The following SNX29 variants were observed in gnomAD, a reference collection of about 807,000 sequenced individuals.
SNX29 encodes the protein sorting nexin 29, also known as sorting nexin-29.
In SNX29, 78 loss-of-function variants were observed where a neutral mutation model predicts 102.1. The observed-to-expected ratio is 0.76, with a 90% CI of 0.64 to 0.92. SNX29 has a LOEUF of 0.92. Ranked by LOEUF, SNX29 falls within the 40% of genes least tolerant of loss-of-function variation. The probability of loss-of-function intolerance (pLI) is 0.00; values close to 1 mark genes in which losing one functional copy is unlikely to be tolerated. For synonymous variants in SNX29, 580 were observed against 414.5 expected, an observed-to-expected ratio of 1.40 and a Z score of -4.85; for missense variants, 1,280 against 1,061.7, an observed-to-expected ratio of 1.21 and a Z score of -2.86.
At chr16:12,361,978 T>C (rs62039993) in intron 16 of SNX29, among the ~76,000 whole-genome samples, 1 of 151,674 alleles carries the variant, frequency 6.6e-6, no homozygotes, top group African/African-American at 2.4e-5. Context: ...AACGAGCACA[T>C]GCCTATACAT....
chr16:12,387,906 C>A (rs1020755405), intron 16 of SNX29, among the ~76,000 whole-genome samples: 1 of 152,150 alleles, frequency 6.6e-6, no homozygotes, highest in African/African-American at 2.4e-5. Flanking sequence ...TAAGGAAGAA[C>A]CCTGGAAGAA....
At chr16:12,030,964 A>C (rs1237671465) in intron 4 of SNX29, among the ~76,000 whole-genome samples, 1 of 152,200 alleles carries the variant, frequency 6.6e-6, no homozygotes, top group Non-Finnish European at 1.5e-5. Flanking sequence ...AGACCTCTCC[A>C]TAATTCAGCA....
chr16:12,547,656 C>G (rs183257384), intron 20 of SNX29, among the ~76,000 whole-genome samples: 3 of 152,238 alleles, frequency 2.0e-5, no homozygotes, highest in African/African-American at 7.2e-5. Flanking sequence ...ATTCCCACCC[C>G]AAGCACCATC....
At position 12,089,235 on chromosome 16, in the gene SNX29, G is replaced by A. The variant is rs143236937; in HGVS notation, c.1402+10320G>A. Among the ~76,000 whole-genome samples the A allele has an allele frequency of 8.8e-3, 1,340 of 152,206 alleles. 21 individuals are homozygous for A. The highest frequency in any genetic ancestry group is 0.03 in the African/African-American group (1,252 of 41,522). On this transcript the variant is annotated intron_variant, in intron 11 of 20. Coordinates refer to ENST00000566228, the MANE Select transcript of SNX29 (RefSeq NM_032167.5). ...AGTTCCAGCTACTTGGGAGGCTGAG[G>A]TGGGAAGATTGTTCGAGCCTAGGAG...
intron 11 of SNX29, among the ~76,000 whole-genome samples, chr16:12,104,071 G>A (rs1255591573): frequency 6.6e-6 from 1 of 152,208 alleles, no homozygotes; most frequent in Non-Finnish European, 1.5e-5. Context: ...TGAGGCAGCA[G>A]AAAAAGTCAG....
intron 1 of SNX29, among the ~76,000 whole-genome samples, chr16:11,991,733 C>T (rs117594840): frequency 0.056 from 7,240 of 129,540 alleles, 227 homozygotes; most frequent in Non-Finnish European, 0.078. Context: ...TTTTTTTTTC[C>T]AGTAGAGATG....
intron 14 of SNX29, among the ~76,000 whole-genome samples, chr16:12,234,793 C>G (rs144868338): frequency 1.3e-5 from 2 of 152,314 alleles, no homozygotes; most frequent in East Asian, 1.9e-4. Context: ...CCTGAAATTA[C>G]TTAGGGCTAT....
intron 3 of SNX29, among the ~76,000 whole-genome samples, chr16:12,005,707 A>T (rs2056429365): frequency 6.6e-6 from 1 of 152,190 alleles, no homozygotes; most frequent in South Asian, 2.1e-4. Flanking sequence ...CTCATCCAAA[A>T]ACCCGAAATT....
rs113014221 is a variant in SNX29, at chr16:12,361,810, G to A, written c.1899+5531G>A. Among the ~76,000 whole-genome samples the A allele has an allele frequency of 4.8e-3, 728 of 152,142 alleles. 5 individuals are homozygous for A. The highest frequency in any genetic ancestry group is 0.017 in the African/African-American group (706 of 41,522). ...ACAAACCTTAGCATCCCCATGCTAA[G>A]AAGTTAAGTAGTAAAAAAGGGTGAA... On this transcript the variant is annotated intron_variant, in intron 16 of 20. Transcript: ENST00000566228.
At chr16:12,504,242 T>G (rs2089267448) in intron 19 of SNX29, among the ~76,000 whole-genome samples, 1 of 152,240 alleles carries the variant, frequency 6.6e-6, no homozygotes, top group Non-Finnish European at 1.5e-5. Flanking sequence ...ATTCCTTTTT[T>G]AAAAGATATA....
At chr16:12,326,626 C>T (rs147094298) in intron 15 of SNX29, among the ~76,000 whole-genome samples, 29 of 152,230 alleles carry the variant, frequency 1.9e-4, no homozygotes, top group South Asian at 4.1e-4. Flanking sequence ...GGCTTTGGCC[C>T]GGGGCTGTAA....
At chr16:12,092,963 T>C (rs1034895854) in intron 11 of SNX29, among the ~76,000 whole-genome samples, 2 of 152,180 alleles carry the variant, frequency 1.3e-5, no homozygotes, top group African/African-American at 2.4e-5. Context: ...AGGCCAGGTG[T>C]TGGCCGATGT....
chr16:12,034,017 C>G (rs190199078), intron 4 of SNX29, among the ~76,000 whole-genome samples: 149 of 152,230 alleles, frequency 9.8e-4, no homozygotes, highest in Non-Finnish European at 1.4e-3. Context: ...TCCCAGGAAG[C>G]CAAACCCCTA....
chr16:12,297,308 G>C (rs1460548978), intron 15 of SNX29: 2 of 152,344 alleles, frequency 1.3e-5, no homozygotes, highest in African/African-American at 4.8e-5. Context: ...AAGCCTGGGA[G>C]TGATTTTCAA....
At chr16:12,412,629 A>C (rs2084448553) in intron 18 of SNX29, among the ~76,000 whole-genome samples, 2 of 152,184 alleles carry the variant, frequency 1.3e-5, no homozygotes, top group East Asian at 3.8e-4. Context: ...TAGGCTTTGA[A>C]GAAAACTTAG....
At chr16:12,052,969 G>T (rs2050366880) in intron 8 of SNX29, 1 of 152,552 alleles carries the variant, frequency 6.6e-6, no homozygotes, top group South Asian at 2.1e-4. Flanking sequence ...GGTGTGAATA[G>T]CCGTAACTTG....
chr16:12,333,331 T>C (rs1450233272), intron 15 of SNX29, among the ~76,000 whole-genome samples: 1 of 151,914 alleles, frequency 6.6e-6, no homozygotes, highest in African/African-American at 2.4e-5. Context: ...CGTCTTGAAC[T>C]CCTGACCTCG....
At chr16:12,187,987 G>A (rs2076552665) in intron 13 of SNX29, among the ~76,000 whole-genome samples, 2 of 152,310 alleles carry the variant, frequency 1.3e-5, no homozygotes, top group South Asian at 4.1e-4. Flanking sequence ...ATGAGCTGGG[G>A]AAGAGGACTC....
chr16:12,010,126 T>A (rs915577008), intron 3 of SNX29, among the ~76,000 whole-genome samples: 2 of 152,238 alleles, frequency 1.3e-5, no homozygotes, highest in Non-Finnish European at 2.9e-5. Flanking sequence ...AGGGTTGTTA[T>A]GAGTCAGTTC....
Sources: allele counts gnomAD v4.1 joint callset (sites outside exome capture counted in the v4.1 genomes callset), GRCh38; gene constraint gnomAD v4.1.1; transcripts MANE v1.5; gene names NCBI Gene and HGNC (gene_info 2026-07-23, HGNC 2026-07-21).